The following DIAPH3 variants were observed in gnomAD, a reference collection of about 807,000 sequenced individuals.
The protein encoded by DIAPH3 is protein diaphanous homolog 3.
DIAPH3 carries 117 observed loss-of-function variants against 144.3 expected under a neutral mutation model. The ratio of observed to expected loss-of-function variants is 0.81; its 90% confidence interval spans 0.70 to 0.95. The LOEUF (loss-of-function observed/expected upper bound fraction) is 0.95, where lower values mean the gene tolerates loss of function less well. Ranked by LOEUF, DIAPH3 falls within the 40% of genes least tolerant of loss-of-function variation. DIAPH3 has a pLI of 0.00. For missense variants in DIAPH3, 1,421 were observed against 1,412.7 expected (o/e 1.01, Z -0.09); for synonymous variants, 519 against 488.9 (o/e 1.06, Z -0.81).
intron 27 of DIAPH3, among the ~76,000 whole-genome samples, chr13:59,764,904 G>A (rs1167410201): frequency 6.6e-6 from 1 of 152,008 alleles, no homozygotes; most frequent in Non-Finnish European, 1.5e-5. Context: ...ATTTGCTATG[G>A]TAGCCCTAGG....
intron 27 of DIAPH3, among the ~76,000 whole-genome samples, chr13:59,759,621 G>A (rs1251714818): frequency 2.0e-5 from 3 of 152,100 alleles, no homozygotes; most frequent in Non-Finnish European, 4.4e-5. Context: ...AGTAATAGGC[G>A]GTGTTCAGCT....
At chr13:59,947,569 A>C (rs1255503376) in intron 17 of DIAPH3, among the ~76,000 whole-genome samples, 1 of 152,162 alleles carries the variant, frequency 6.6e-6, no homozygotes, top group Admixed American at 6.6e-5. Context: ...TTCACATCTT[A>C]CTAATAACAA....
intron 2 of DIAPH3, among the ~76,000 whole-genome samples, chr13:60,123,046 T>A (rs2058888489): frequency 6.6e-6 from 1 of 152,158 alleles, no homozygotes; most frequent in Non-Finnish European, 1.5e-5. Context: ...ACATCAATAA[T>A]CGCTTTCTAC....
chr13:59,772,855 C>T (rs527550799), intron 27 of DIAPH3, among the ~76,000 whole-genome samples: 24 of 151,938 alleles, frequency 1.6e-4, no homozygotes, highest in African/African-American at 3.9e-4. Flanking sequence ...AGTACATATA[C>T]GAAATCAAAA....
intron 24 of DIAPH3, among the ~76,000 whole-genome samples, chr13:59,821,294 A>G (rs2041059286): frequency 6.6e-6 from 1 of 152,092 alleles, no homozygotes; most frequent in Non-Finnish European, 1.5e-5. Context: ...GGTCTCACAC[A>G]TTCCCACTAA....
At chr13:59,883,247 TC>T (rs2045204801) in intron 20 of DIAPH3, among the ~76,000 whole-genome samples, 1 of 152,142 alleles carries the variant, frequency 6.6e-6, no homozygotes, top group African/African-American at 2.4e-5. Context: ...TCTCAAAATC[TC>T]ATTATGGTTC....
chr13:59,702,791 T>A (rs1338810371), intron 27 of DIAPH3, among the ~76,000 whole-genome samples: 1 of 152,132 alleles, frequency 6.6e-6, no homozygotes, highest in Non-Finnish European at 1.5e-5. Flanking sequence ...TGACCTAATC[T>A]CCTAGTTAAT....
At chr13:59,983,966 T>C (rs572894357) in intron 12 of DIAPH3, 79 bp from the exon 13 acceptor site, 4 of 917,108 alleles carry the variant, frequency 4.4e-6, no homozygotes, top group African/African-American at 3.3e-5. Context: ...TTGGCTAAGA[T>C]TGATTTCAAG....
At chr13:59,717,908 T>C (rs1217920241) in intron 27 of DIAPH3, among the ~76,000 whole-genome samples, 1 of 151,834 alleles carries the variant, frequency 6.6e-6, no homozygotes, top group Non-Finnish European at 1.5e-5. Context: ...AAATGGACAA[T>C]CTTATTTGTC....
intron 22 of DIAPH3, among the ~76,000 whole-genome samples, chr13:59,855,614 A>G (rs1343268886): frequency 6.6e-6 from 1 of 151,972 alleles, no homozygotes; most frequent in Non-Finnish European, 1.5e-5. Flanking sequence ...CCTGAGACAT[A>G]AAACCATTAG....
chr13:59,878,890 A>G (rs903383712), intron 21 of DIAPH3, among the ~76,000 whole-genome samples: 1 of 152,140 alleles, frequency 6.6e-6, no homozygotes, highest in African/African-American at 2.4e-5. Flanking sequence ...GCAATATTCA[A>G]TATATATACA....
At chr13:59,994,010 C>G (rs1191831942) in intron 9 of DIAPH3, among the ~76,000 whole-genome samples, 1 of 151,600 alleles carries the variant, frequency 6.6e-6, no homozygotes, top group Admixed American at 6.6e-5. Context: ...AAACTAGCAG[C>G]AAATATTACC....
At chr13:59,826,043 A>G (rs1170537550) in intron 24 of DIAPH3, among the ~76,000 whole-genome samples, 2 of 152,184 alleles carry the variant, frequency 1.3e-5, no homozygotes, top group Non-Finnish European at 2.9e-5. Flanking sequence ...AAATAATAAG[A>G]GTTATCTAGG....
At chr13:59,909,345 T>G (rs1035577099) in intron 20 of DIAPH3, among the ~76,000 whole-genome samples, 3 of 151,630 alleles carry the variant, frequency 2.0e-5, no homozygotes, top group East Asian at 1.9e-4. Flanking sequence ...GTATTTTGTT[T>G]TTTTTTTTTT....
rs371462120 is a variant in DIAPH3 at position 59,861,540 on chromosome 13, A to G, written c.2608-4T>C. 38 of 1,613,496 alleles carry G rather than the reference A, an allele frequency of 2.4e-5. No individual in the cohort carries two copies. In the African/African-American group the frequency reaches 3.5e-4, roughly 15 times the overall value. ...CTGCTGATTTTGTGTCCTTTAGCTAAATAGAACAGGAGGGAGAAAAAACAC... is the reference window on the plus strand; with the variant it reads ...CTGCTGATTTTGTGTCCTTTAGCTAGATAGAACAGGAGGGAGAAAAAACAC... On this transcript the variant is annotated splice_polypyrimidine_tract_variant and splice_region_variant and intron_variant, in intron 21 of 27. Transcript: ENST00000400324.
At chr13:59,696,769 A>T (rs1352019854) in intron 27 of DIAPH3, among the ~76,000 whole-genome samples, 1 of 152,142 alleles carries the variant, frequency 6.6e-6, no homozygotes, top group Non-Finnish European at 1.5e-5. Flanking sequence ...TCTTATTTGT[A>T]TGTGTTAAGT....
At chr13:59,943,533 T>C (rs2048647921) in intron 17 of DIAPH3, among the ~76,000 whole-genome samples, 1 of 152,184 alleles carries the variant, frequency 6.6e-6, no homozygotes, top group Non-Finnish European at 1.5e-5. Context: ...ATTTCGTTCA[T>C]TCATTCACTC....
At chr13:60,095,031 G>A (rs1450225246) in intron 3 of DIAPH3, among the ~76,000 whole-genome samples, 1 of 108,796 alleles carries the variant, frequency 9.2e-6, no homozygotes, top group Non-Finnish European at 2.0e-5. Context: ...AACTTCTGGA[G>A]GCATGTTAGT....
chr13:60,056,991 A>G (rs1029776871), intron 4 of DIAPH3, among the ~76,000 whole-genome samples: 1 of 151,876 alleles, frequency 6.6e-6, no homozygotes, highest in Non-Finnish European at 1.5e-5. Context: ...CCTCCTAAGA[A>G]CTTGAACAAG....
Sources: allele counts gnomAD v4.1 joint callset (sites outside exome capture counted in the v4.1 genomes callset), GRCh38; gene constraint gnomAD v4.1.1; transcripts MANE v1.5; gene names NCBI Gene and HGNC (gene_info 2026-07-23, HGNC 2026-07-21).